CTNNBL1: variants seen among roughly 807,000 people sequenced by gnomAD.
CTNNBL1 encodes catenin beta like 1.
In CTNNBL1, 31 loss-of-function variants were observed where a neutral mutation model predicts 72.7. That is an observed-to-expected ratio of 0.43 (90% CI 0.32 to 0.58). CTNNBL1 has a LOEUF of 0.58. Ranked by LOEUF, CTNNBL1 falls within the 20% of genes least tolerant of loss-of-function variation. The probability of loss-of-function intolerance (pLI) is 0.08; values close to 1 mark genes in which losing one functional copy is unlikely to be tolerated. For missense variants in CTNNBL1, 534 were observed against 725.1 expected, an observed-to-expected ratio of 0.74 and a Z score of 3.03; for synonymous variants, 240 against 267.3, an observed-to-expected ratio of 0.90 and a Z score of 1.00.
intron 10 of CTNNBL1, among the ~76,000 whole-genome samples, chr20:37,796,986 T>C (rs113914930): frequency 3.7e-4 from 57 of 152,170 alleles, no homozygotes; most frequent in Non-Finnish European, 7.3e-4. Context: ...TGGGTAGTGA[T>C]GTGTTGGAGC....
chr20:37,760,796 A>G (rs919864265), intron 5 of CTNNBL1, among the ~76,000 whole-genome samples: 1 of 152,248 alleles, frequency 6.6e-6, no homozygotes, highest in African/African-American at 2.4e-5. Flanking sequence ...GCAGATATTA[A>G]GCATTTAGCA....
intron 4 of CTNNBL1, among the ~76,000 whole-genome samples, chr20:37,748,829 A>C (rs892396679): frequency 2.6e-5 from 4 of 152,168 alleles, no homozygotes; most frequent in Non-Finnish European, 5.9e-5. Context: ...ACCTCCAAGT[A>C]CCATCACATT....
At chr20:37,734,522 G>C (rs1011637443) in intron 2 of CTNNBL1, among the ~76,000 whole-genome samples, 3 of 152,214 alleles carry the variant, frequency 2.0e-5, no homozygotes, top group African/African-American at 7.2e-5. Context: ...TCATGGGTAA[G>C]TGGTTTCTAG....
chr20:37,841,335 A>C (rs1394478078), intron 12 of CTNNBL1, among the ~76,000 whole-genome samples: 1 of 152,240 alleles, frequency 6.6e-6, no homozygotes, highest in African/African-American at 2.4e-5. Context: ...CCCTAGTGAC[A>C]TCAGTTAACA....
rs1465458560 is a variant in CTNNBL1, at chr20:37,805,403, T to G, written c.1213+2355T>G. On this transcript the variant is annotated intron_variant, in intron 11 of 15. Transcript: ENST00000361383. ...TCCTTAGTTTTGTTTTTTGTTTTTT[T>G]TTTTCCTTTTTTTTTTTTTTCCCTG... is the stretch of plus-strand genomic sequence containing the variant. Among the ~76,000 whole-genome samples the G allele has an allele frequency of 5.2e-5, 6 of 116,422 alleles. No individual in the cohort carries two copies. In the East Asian group the frequency reaches 1.2e-3, roughly 22 times the overall value. 76.4% of individuals were successfully genotyped at this position (116,422 alleles called of 152,430 possible).
intron 10 of CTNNBL1, among the ~76,000 whole-genome samples, chr20:37,790,388 C>G (rs2122712805): frequency 6.6e-6 from 1 of 152,212 alleles, no homozygotes; most frequent in Middle Eastern, 3.4e-3. Context: ...GATTCAAGTG[C>G]AAAAGCAAAA....
chr20:37,860,457 C>T, intron 15 of CTNNBL1, 113 bp downstream of exon 15: 1 of 853,112 alleles, frequency 1.2e-6, no homozygotes, highest in Non-Finnish European at 2.0e-6. Context: ...GCACTGAAAG[C>T]TTAAGTTGTT....
Position 37,757,558 on chromosome 20 carries a change from CAT to C in CTNNBL1, c.467_468del (p.Asp156GlyfsTer20), listed in dbSNP as rs772481486. The C allele has an allele frequency of 1.2e-6, 2 of 1,610,626 alleles. No homozygotes were observed. The highest frequency in any genetic ancestry group is 1.3e-5 in the African/African-American group (1 of 74,854). On this transcript the variant is annotated frameshift_variant and splice_region_variant, in exon 5 of 16. Transcript: ENST00000361383. LOFTEE classifies it high-confidence loss of function. ...LLGLLGHDNT[D>X]VSIAVVDLLQ... ...TGTGTTATACCCTTAACATTTTTCA[CAT>C]GTGTCCATAGCTGTGGTCGATTTGC...
chr20:37,733,010 TGAC>T lies in CTNNBL1; in HGVS notation c.163_165del (p.Asp55del). On this transcript the variant is annotated inframe_deletion, in exon 2 of 16. Transcript: ENST00000361383. ...TGACTGTGGTGGAGGAAGCGGATGA[TGAC>T]AAAAAAAGGCTGCTGCAGATTATTG... is the stretch of plus-strand genomic sequence containing the variant. 6.2e-7 allele frequency: 1 copy of T among 1,613,716 alleles called. No homozygotes were observed. The highest frequency in any genetic ancestry group is 8.5e-7 in the Non-Finnish European group (1 of 1,179,944).
chr20:37,701,580 A>G (rs931138609), intron 1 of CTNNBL1, among the ~76,000 whole-genome samples: 2 of 152,214 alleles, frequency 1.3e-5, no homozygotes, highest in African/African-American at 4.8e-5. Flanking sequence ...TGGTTTGGTC[A>G]TTGAAGAAAA....
At chr20:37,774,463 G>A (rs961112073) in intron 7 of CTNNBL1, among the ~76,000 whole-genome samples, 2 of 152,184 alleles carry the variant, frequency 1.3e-5, no homozygotes, top group African/African-American at 2.4e-5. Context: ...GAGTTATCGG[G>A]CCTCATCATT....
chr20:37,754,413 G>A (rs969039772), intron 4 of CTNNBL1, among the ~76,000 whole-genome samples: 27 of 151,296 alleles, frequency 1.8e-4, no homozygotes, highest in African/African-American at 5.3e-4. Flanking sequence ...AAGCCACCGT[G>A]CCCAGCCCAG....
chr20:37,786,536 ATATG>A (rs1396319081), intron 10 of CTNNBL1, among the ~76,000 whole-genome samples: 1 of 152,150 alleles, frequency 6.6e-6, no homozygotes, highest in Non-Finnish European at 1.5e-5. Context: ...ATAAATATGC[ATATG>A]TATGTGTGTA....
intron 11 of CTNNBL1, among the ~76,000 whole-genome samples, chr20:37,829,476 C>A (rs1446387379): frequency 6.6e-6 from 1 of 152,146 alleles, no homozygotes; most frequent in African/African-American, 2.4e-5. Flanking sequence ...AATGCCAGGC[C>A]ATTGGGATGA....
At chr20:37,777,870 T>A (rs1371281309) in intron 9 of CTNNBL1, among the ~76,000 whole-genome samples, 158 bp downstream of exon 9, 2 of 152,204 alleles carry the variant, frequency 1.3e-5, no homozygotes, top group African/African-American at 4.8e-5. Flanking sequence ...ATGGTTTGCC[T>A]CCTTTTCTTA....
chr20:37,849,796 C>T (rs6096512), intron 13 of CTNNBL1, among the ~76,000 whole-genome samples: 53,542 of 152,110 alleles, frequency 0.35, 9,861 homozygotes, highest in Admixed American at 0.48. Flanking sequence ...TAAATCCTGG[C>T]TCTGACTCCT....
At chr20:37,759,274 C>T (rs1207666574) in intron 5 of CTNNBL1, among the ~76,000 whole-genome samples, 4 of 152,172 alleles carry the variant, frequency 2.6e-5, no homozygotes, top group African/African-American at 9.7e-5. Context: ...TGCTCCTACT[C>T]TGTGTCCCTG....
intron 11 of CTNNBL1, among the ~76,000 whole-genome samples, chr20:37,826,796 G>A (rs1348611032): frequency 1.3e-5 from 2 of 152,200 alleles, no homozygotes; most frequent in African/African-American, 4.8e-5. Flanking sequence ...AAAGTAAGTT[G>A]CAGACAGCAT....
chr20:37,850,498 G>A (rs553785635), intron 13 of CTNNBL1, among the ~76,000 whole-genome samples: 2 of 126,788 alleles, frequency 1.6e-5, no homozygotes, highest in East Asian at 4.8e-4. Flanking sequence ...GAACTAACAT[G>A]TAGGCAGTCA....
Sources: gnomAD v4.1 joint callset for allele counts (sites outside exome capture counted in the v4.1 genomes callset) on GRCh38, gnomAD v4.1.1 for gene constraint, MANE v1.5 for transcripts, NCBI Gene and HGNC (gene_info 2026-07-23, HGNC 2026-07-21) for gene names.